The following GAN variants were observed in gnomAD, a reference collection of about 807,000 sequenced individuals.
GAN encodes gigaxonin.
Under a neutral mutation model 71.3 loss-of-function variants are expected in GAN, and 48 were observed. The observed-to-expected ratio is 0.67, with a 90% CI of 0.53 to 0.86. GAN has a LOEUF of 0.86. Ranked by LOEUF, GAN falls within the 40% of genes least tolerant of loss-of-function variation. The pLI is 0.00. For missense variants in GAN, 928 were observed against 770.1 expected (o/e 1.21, Z -2.43); for synonymous variants, 386 against 276.8 (o/e 1.39, Z -3.92).
rs575617486 is a variant in GAN, at chr16:81,381,347, C to T, written c.*3751C>T. On this transcript the variant is annotated 3_prime_UTR_variant, in exon 11 of 11. Transcript: ENST00000648994. The stretch of plus-strand genomic sequence containing the variant: ...GGCGTTCATGATTCAAGAGGCCTCC[C>T]GTGGTCAGATGAAGACCTTTGGTTA... The T allele has an allele frequency of 4.6e-5, 7 of 152,276 alleles. No homozygotes were observed. In the East Asian group the frequency reaches 9.6e-4, roughly 21 times the overall value. 9.4% of individuals were successfully genotyped at this position (152,276 alleles called of 1,614,324 possible). A position where few individuals can be genotyped will look rare whatever the true frequency, so the allele number is the denominator to read the frequency against.
chr16:81,318,545 G>C (rs1425133702), intron 1 of GAN, among the ~76,000 whole-genome samples: 3 of 152,156 alleles, frequency 2.0e-5, no homozygotes, highest in African/African-American at 7.2e-5. Flanking sequence ...ATTGTCTTTT[G>C]CTTACTATGT....
At chr16:81,365,180 C>G in intron 8 of GAN, 70 bp downstream of exon 8, 1 of 1,580,904 alleles carries the variant, frequency 6.3e-7, no homozygotes, top group East Asian at 2.2e-5. Flanking sequence ...CTTACCCTGC[C>G]TGGCTTTTGT....
In GAN at chr16:81,315,107, C is replaced by A; in HGVS notation, c.-7C>A. On this transcript the variant is annotated 5_prime_UTR_variant, in exon 1 of 11. Coordinates refer to ENST00000648994, the MANE Select transcript of GAN (RefSeq NM_022041.4). ...CCGGACCCGTCGGCAGAGGAGCGGG[C>A]GCCGCGATGGCTGAGGGCAGTGCCG... is the stretch of plus-strand genomic sequence containing the variant. The A allele has an allele frequency of 6.7e-6, 10 of 1,487,242 alleles. No homozygotes were observed. The highest frequency in any genetic ancestry group is 9.0e-6 in the Non-Finnish European group (10 of 1,115,154). The allele number at this position is 1,487,242 out of a possible 1,614,324, so 92.1% of individuals were successfully genotyped here. A position where few individuals can be genotyped will look rare whatever the true frequency, so the allele number is the denominator to read the frequency against.
At position 81,328,664 on chromosome 16, in the gene GAN, G is replaced by C. The variant is rs200473143; in HGVS notation, c.167+13384G>C. 4.7e-5 allele frequency among the ~76,000 whole-genome samples: 3 copies of C among 64,150 alleles called. No homozygotes were observed. In the South Asian group the frequency reaches 1.4e-3, roughly 29 times the overall value. 42.1% of individuals were successfully genotyped at this position (64,150 alleles called of 152,430 possible). On this transcript the variant is annotated intron_variant, in intron 1 of 10. Coordinates refer to ENST00000648994, the MANE Select transcript of GAN (RefSeq NM_022041.4). ...TGTGTATCTTATTTTTTTTTTTTTA[G>C]ATCTATCACCATTTTTTTTAGATCT... is the stretch of plus-strand genomic sequence containing the variant.
At position 81,378,182 on chromosome 16, in the gene GAN, A is replaced by C. The variant is rs892057107; in HGVS notation, c.*586A>C. On this transcript the variant is annotated 3_prime_UTR_variant, in exon 11 of 11. Transcript: ENST00000648994. ...AGAATCTTTTTAAAACTATATCATG[A>C]TGAATTGAAATGAAGATAAAATTGC... The C allele has an allele frequency of 6.4e-6, 1 of 156,552 alleles. No individual in the cohort carries two copies. The highest frequency in any genetic ancestry group is 2.4e-5 in the African/African-American group (1 of 41,468). The allele number at this position is 156,552 out of a possible 1,614,324, so 9.7% of individuals were successfully genotyped here. A position where few individuals can be genotyped will look rare whatever the true frequency, so the allele number is the denominator to read the frequency against.
In GAN at chr16:81,358,073, G is replaced by T. The variant is rs143580186; in HGVS notation, c.973+142G>T. On this transcript the variant is annotated intron_variant, in intron 5 of 10. Coordinates refer to ENST00000648994, the MANE Select transcript of GAN (RefSeq NM_022041.4). ...TTTTTAGTGTAGTTCTAGCTTCTGA[G>T]ACCGTGGTTAGGAAAACCGTATTTT... The T allele has an allele frequency of 1.5e-3, 1,189 of 771,084 alleles. 4 individuals carry two copies. Among genetic ancestry groups the T allele is most frequent in the Non-Finnish European group, 1.9e-3 (854 of 449,062 alleles). 47.8% of individuals were successfully genotyped at this position (771,084 alleles called of 1,614,324 possible).
At chr16:81,335,562 T>C (rs1909727896) in intron 1 of GAN, among the ~76,000 whole-genome samples, 1 of 151,882 alleles carries the variant, frequency 6.6e-6, no homozygotes, top group African/African-American at 2.4e-5. Flanking sequence ...GCCTGGCCAA[T>C]GTGGTGAAAC....
chr16:81,346,146 G>C (rs1910111406), intron 1 of GAN, among the ~76,000 whole-genome samples: 1 of 152,192 alleles, frequency 6.6e-6, no homozygotes, highest in African/African-American at 2.4e-5. Flanking sequence ...AGTCAGGAGA[G>C]AGAAACCACA....
rs770408913 is a variant in GAN, at chr16:81,374,675, C to G, written c.1503-2544C>G. 6.7e-4 allele frequency among the ~76,000 whole-genome samples: 102 copies of G among 152,380 alleles called. 1 individual carries two copies. Among genetic ancestry groups the G allele is most frequent in the Middle Eastern group, 6.8e-3 (2 of 294 alleles). ...GCCTCGGCTGTCAGTAGCTGCTTCA[C>G]TGTGGCTTCCGTGTCCTTTGACACA... On this transcript the variant is annotated intron_variant, in intron 9 of 10. Coordinates refer to ENST00000648994, the MANE Select transcript of GAN (RefSeq NM_022041.4).
chr16:81,356,512 T>G (rs1400565544), intron 3 of GAN, among the ~76,000 whole-genome samples: 1 of 152,206 alleles, frequency 6.6e-6, no homozygotes, highest in Admixed American at 6.5e-5. Flanking sequence ...ATGGGAATCC[T>G]TTAAGGTGTA....
Position 81,357,942 on chromosome 16 carries a change from G to A in GAN, c.973+11G>A. ...GAGTTCTCTCAGCAGGTACCGTTCT[G>A]TGGCAAATTTTCCTTAAACAGCAGA... On this transcript the variant is annotated intron_variant, in intron 5 of 10. Transcript: ENST00000648994. The A allele has an allele frequency of 6.2e-7, 1 of 1,612,970 alleles. No individual in the cohort carries two copies. Among genetic ancestry groups the A allele is most frequent in the South Asian group, 1.1e-5 (1 of 91,066 alleles).
At position 81,388,086 on chromosome 16, in the gene GAN, C is replaced by T. The variant is rs1380448035; in HGVS notation, c.*10490C>T. Reference sequence around the variant, plus strand: ...TCGCAGTCGGCGCATCTTTCTCTGCCAGCTTAGGGATTGCCGTCAAGGTGG... The same window carrying T: ...TCGCAGTCGGCGCATCTTTCTCTGCTAGCTTAGGGATTGCCGTCAAGGTGG... On this transcript the variant is annotated 3_prime_UTR_variant, in exon 11 of 11. Transcript: ENST00000648994. 2 of 152,236 alleles carry T rather than the reference C, an allele frequency of 1.3e-5. No individual in the cohort carries two copies. Among genetic ancestry groups the T allele is most frequent in the Non-Finnish European group, 2.9e-5 (2 of 68,060 alleles). The allele number at this position is 152,236 out of a possible 1,614,324, so 9.4% of individuals were successfully genotyped here.
intron 1 of GAN, among the ~76,000 whole-genome samples, chr16:81,347,439 A>G (rs534269124): frequency 6.6e-6 from 1 of 152,332 alleles, no homozygotes; most frequent in African/African-American, 2.4e-5. Flanking sequence ...TTCCAGGATC[A>G]TTCTTCACCA....
intron 9 of GAN, among the ~76,000 whole-genome samples, chr16:81,370,495 G>T (rs1911004310): frequency 6.6e-6 from 1 of 152,246 alleles, no homozygotes; most frequent in African/African-American, 2.4e-5. Context: ...AATGTAGGAA[G>T]CACAGCTGCT....
chr16:81,352,265 T>G (rs370002166), intron 2 of GAN, among the ~76,000 whole-genome samples: 24 of 152,268 alleles, frequency 1.6e-4, no homozygotes, highest in East Asian at 3.9e-4. Flanking sequence ...CTCTTCCCTC[T>G]CCATGTCCAC....
intron 5 of GAN, among the ~76,000 whole-genome samples, chr16:81,359,125 T>C (rs1436260843): frequency 6.6e-6 from 1 of 152,186 alleles, no homozygotes. Context: ...AGTGAAGAGC[T>C]GGACAGAGTA....
chr16:81,356,472 C>G (rs1910489578), intron 3 of GAN, among the ~76,000 whole-genome samples: 2 of 152,152 alleles, frequency 1.3e-5, no homozygotes. Context: ...CAAATTATAG[C>G]TGGTTCTTTT....
rs1477513585 is a variant in GAN, at chr16:81,365,342, C to T, written c.1374-8C>T. The T allele has an allele frequency of 3.1e-6, 5 of 1,613,566 alleles. No individual in the cohort carries two copies. Among genetic ancestry groups the T allele is most frequent in the Non-Finnish European group, 4.2e-6 (5 of 1,179,968 alleles). Reference sequence around the variant, plus strand: ...TTGTGCCTGATAACGCTGTGTGTGGCCTTTCAGGTTTGGAGCGGTGGCCTG... The same window carrying T: ...TTGTGCCTGATAACGCTGTGTGTGGTCTTTCAGGTTTGGAGCGGTGGCCTG... On this transcript the variant is annotated splice_region_variant and splice_polypyrimidine_tract_variant and intron_variant, in intron 8 of 10. Transcript: ENST00000648994.
rs1910428454 is a variant in GAN at position 81,354,707 on chromosome 16, C to G, written c.585C>G (p.Val195=). The change falls in exon 3 of 11, where the codon GTC becomes GTG. Residue 195 remains valine, a synonymous_variant. Transcript: ENST00000648994. ...EKLNVGNERY[V]FEAVIRWIAH... ...TAAACGTTGGCAATGAAAGATATGTCTTTGAAGCAGTAATTCGATGGATAG... is the reference window on the plus strand; with the variant it reads ...TAAACGTTGGCAATGAAAGATATGTGTTTGAAGCAGTAATTCGATGGATAG... 2 of 1,612,100 alleles carry G rather than the reference C, an allele frequency of 1.2e-6. No homozygotes were observed. The highest frequency in any genetic ancestry group is 1.3e-5 in the African/African-American group (1 of 74,896).
Sources: allele counts gnomAD v4.1 joint callset (sites outside exome capture counted in the v4.1 genomes callset), GRCh38; gene constraint gnomAD v4.1.1; transcripts MANE v1.5; gene names NCBI Gene and HGNC (gene_info 2026-07-23, HGNC 2026-07-21).